Variants in CTNND2 observed in about 807,000 individuals in gnomAD.
The protein encoded by CTNND2 is catenin delta-2.
In CTNND2, 22 loss-of-function variants were observed where a neutral mutation model predicts 144.4. The ratio of observed to expected loss-of-function variants is 0.15; its 90% CI spans 0.11 to 0.22. The LOEUF (loss-of-function observed/expected upper bound fraction) is 0.22. Ranked by LOEUF, CTNND2 falls within the 10% of genes least tolerant of loss-of-function variation. The pLI, the probability that CTNND2 is intolerant of heterozygous loss-of-function variation, is 1.00. For missense variants in CTNND2, 1,353 were observed against 1,618.8 expected (o/e 0.84, Z 2.82); for synonymous variants, 751 against 695.6 (o/e 1.08, Z -1.25).
chr5:11,529,467 G>A (rs1051402991), intron 3 of CTNND2, among the ~76,000 whole-genome samples: 1 of 152,162 alleles, frequency 6.6e-6, no homozygotes, highest in African/African-American at 2.4e-5. Context: ...CATAATTTGA[G>A]CCATCTTTGA....
chr5:11,341,746 G>T (rs917994267), intron 9 of CTNND2, among the ~76,000 whole-genome samples: 1 of 152,204 alleles, frequency 6.6e-6, no homozygotes, highest in Admixed American at 6.5e-5. Flanking sequence ...TGTAGCTCAT[G>T]CTTGCAACTC....
At chr5:11,002,395 G>T (rs915970810) in intron 18 of CTNND2, among the ~76,000 whole-genome samples, 1 of 152,260 alleles carries the variant, frequency 6.6e-6, no homozygotes, top group Non-Finnish European at 1.5e-5. Context: ...AGTTGAGCAG[G>T]TGAGAGCACC....
chr5:11,268,673 G>T (rs1030236755), intron 9 of CTNND2, among the ~76,000 whole-genome samples: 2 of 152,016 alleles, frequency 1.3e-5, no homozygotes, highest in Non-Finnish European at 2.9e-5. Flanking sequence ...CACTATAATG[G>T]TGTAATGGAT....
chr5:11,660,455 T>A (rs73743013), intron 2 of CTNND2, among the ~76,000 whole-genome samples: 5,150 of 152,180 alleles, frequency 0.034, 84 homozygotes, highest in East Asian at 0.056. Context: ...GTAAGATGCC[T>A]AATGTTGAAA....
At chr5:11,725,127 A>G (rs542223566) in intron 2 of CTNND2, among the ~76,000 whole-genome samples, 1 of 152,190 alleles carries the variant, frequency 6.6e-6, no homozygotes, top group Non-Finnish European at 1.5e-5. Flanking sequence ...TTATGATTGC[A>G]GCCCAGTGAC....
intron 16 of CTNND2, among the ~76,000 whole-genome samples, chr5:11,046,419 C>G (rs115630394): frequency 6.6e-6 from 1 of 152,198 alleles, no homozygotes; most frequent in Admixed American, 6.5e-5. Context: ...CCAAGGCAAT[C>G]GACCCTGTGA....
At chr5:11,659,558 T>C (rs1783078541) in intron 2 of CTNND2, among the ~76,000 whole-genome samples, 1 of 152,124 alleles carries the variant, frequency 6.6e-6, no homozygotes, top group Non-Finnish European at 1.5e-5. Context: ...CATGGCTCTA[T>C]ACCCAGAACT....
intron 3 of CTNND2, among the ~76,000 whole-genome samples, chr5:11,528,017 A>G (rs1773420070): frequency 6.6e-6 from 1 of 152,224 alleles, no homozygotes; most frequent in African/African-American, 2.4e-5. Context: ...ATATTAATAG[A>G]GTCAATTTAA....
chr5:11,869,816 T>G (rs1795940967), intron 1 of CTNND2, among the ~76,000 whole-genome samples: 1 of 152,220 alleles, frequency 6.6e-6, no homozygotes, highest in South Asian at 2.1e-4. Context: ...ACAAGTCAAT[T>G]TAGTCCAAAT....
chr5:11,388,107 T>C (rs1171693431), intron 6 of CTNND2, among the ~76,000 whole-genome samples: 2 of 152,138 alleles, frequency 1.3e-5, no homozygotes, highest in Admixed American at 1.3e-4. Flanking sequence ...CTTGGTAAAA[T>C]TGTGCTAATA....
chr5:11,820,474 A>C (rs1226656100), intron 1 of CTNND2, among the ~76,000 whole-genome samples: 1 of 152,232 alleles, frequency 6.6e-6, no homozygotes, highest in African/African-American at 2.4e-5. Context: ...CAAAGTTAAC[A>C]GAATGCCCTG....
chr5:11,388,482 G>A (rs1759310056), intron 6 of CTNND2, among the ~76,000 whole-genome samples: 3 of 152,194 alleles, frequency 2.0e-5, no homozygotes, highest in Admixed American at 2.0e-4. Context: ...TTCTTGGACA[G>A]CACAGTTGTC....
chr5:11,870,546 C>T (rs1352505818), intron 1 of CTNND2, among the ~76,000 whole-genome samples: 2 of 152,226 alleles, frequency 1.3e-5, no homozygotes, highest in African/African-American at 2.4e-5. Context: ...CGAGGATAAA[C>T]AGACTCTCCC....
intron 2 of CTNND2, among the ~76,000 whole-genome samples, chr5:11,675,567 C>T (rs1664911595): frequency 6.6e-6 from 1 of 152,062 alleles, no homozygotes; most frequent in African/African-American, 2.4e-5. Context: ...AAATTTTTGC[C>T]TTTTGCCTCT....
At chr5:11,364,466 G>A (rs1756770852) in intron 8 of CTNND2, 1 of 405,716 alleles carries the variant, frequency 2.5e-6, no homozygotes, top group Non-Finnish European at 4.3e-6. Flanking sequence ...GACAAAATGA[G>A]CTTACAATCG....
intron 1 of CTNND2, among the ~76,000 whole-genome samples, chr5:11,815,017 T>C (rs1792549923): frequency 6.6e-6 from 1 of 152,220 alleles, no homozygotes; most frequent in Non-Finnish European, 1.5e-5. Context: ...TTCTCATTAG[T>C]GAGAATTTTG....
intron 1 of CTNND2, among the ~76,000 whole-genome samples, chr5:11,887,350 C>A (rs1369362787): frequency 6.6e-6 from 1 of 151,932 alleles, no homozygotes. Context: ...GCCAAAAATC[C>A]ATGACATAAC....
chr5:11,661,336 T>C (rs1783191960), intron 2 of CTNND2, among the ~76,000 whole-genome samples: 1 of 152,186 alleles, frequency 6.6e-6, no homozygotes, highest in Non-Finnish European at 1.5e-5. Flanking sequence ...CAAGACATGG[T>C]GCCTCATTTA....
At chr5:11,186,698 T>C (rs1735663570) in intron 11 of CTNND2, among the ~76,000 whole-genome samples, 1 of 152,106 alleles carries the variant, frequency 6.6e-6, no homozygotes, top group African/African-American at 2.4e-5. Flanking sequence ...CTCGAGAGGG[T>C]ATTGCTAAAT....
Sources: gnomAD v4.1 joint callset for allele counts (sites outside exome capture counted in the v4.1 genomes callset) on GRCh38, gnomAD v4.1.1 for gene constraint, MANE v1.5 for transcripts, NCBI Gene and HGNC (gene_info 2026-07-23, HGNC 2026-07-21) for gene names.